The following PI4KA variants were observed in gnomAD, a reference collection of about 807,000 sequenced individuals.
PI4KA encodes the protein PI4-kinase alpha.
PI4KA carries 122 observed loss-of-function variants against 271.4 expected under a neutral mutation model. The observed-to-expected ratio is 0.45, with a 90% CI of 0.39 to 0.52. The LOEUF is 0.52. PI4KA is among the 20% of genes least tolerant of loss of function. The probability of loss-of-function intolerance (pLI) is 0.00; values close to 1 mark genes in which losing one functional copy is unlikely to be tolerated. For missense variants in PI4KA, 1,969 were observed against 2,769.1 expected (o/e 0.71, Z 6.48); for synonymous variants, 1,041 against 1,078.8 (o/e 0.96, Z 0.69).
chr22:20,831,816 G>A (rs184281508), intron 3 of PI4KA, among the ~76,000 whole-genome samples: 3 of 152,160 alleles, frequency 2.0e-5, no homozygotes, highest in East Asian at 3.9e-4. Context: ...GTCTTCTTGT[G>A]TAGTATTTCA....
chr22:20,803,456 C>G, intron 12 of PI4KA, 136 bp from the exon 13 acceptor site: 1 of 858,232 alleles, frequency 1.2e-6, no homozygotes, highest in Non-Finnish European at 1.8e-6. Context: ...CACAGGCCAC[C>G]TGCCCAGGAC....
rs368743631 is a variant in PI4KA at position 20,767,517 on chromosome 22, G to T, written c.2329-1824C>A. ...ACTCTGTTACCCAGGCTGGAGTGCAGTGGCACAATCATCACTGCAGCACTG... is the reference window on the plus strand; with the variant it reads ...ACTCTGTTACCCAGGCTGGAGTGCATTGGCACAATCATCACTGCAGCACTG... On this transcript the variant is annotated intron_variant, in intron 19 of 54. Coordinates refer to ENST00000255882, the MANE Select transcript of PI4KA (RefSeq NM_058004.4). Among the ~76,000 whole-genome samples, 16 of 152,212 alleles carry T rather than the reference G, an allele frequency of 1.1e-4. No individual in the cohort carries two copies. In the South Asian group the frequency reaches 2.9e-3, roughly 28 times the overall value.
At position 20,801,963 on chromosome 22, in the gene PI4KA, A is replaced by G. The variant is rs777767614; in HGVS notation, c.1724+10T>C. 6.2e-7 allele frequency: 1 copy of G among 1,613,694 alleles called. No individual in the cohort carries two copies. The highest frequency in any genetic ancestry group is 1.7e-5 in the Admixed American group (1 of 59,928). On this transcript the variant is annotated intron_variant, in intron 14 of 54. Coordinates refer to ENST00000255882, the MANE Select transcript of PI4KA (RefSeq NM_058004.4). ...ACTGCTGTCTACTCGCCACTTGCCC[A>G]GCTTCCCACCTGCAGATGTTGTCAA...
intron 1 of PI4KA, among the ~76,000 whole-genome samples, chr22:20,846,453 C>G (rs1002027573): frequency 6.6e-6 from 1 of 151,548 alleles, no homozygotes; most frequent in Non-Finnish European, 1.5e-5. Context: ...TGCACGTTCT[C>G]AATTATAAGT....
At chr22:20,820,406 C>A in intron 5 of PI4KA, 133 bp downstream of exon 5, 1 of 647,796 alleles carries the variant, frequency 1.5e-6, no homozygotes, top group South Asian at 2.0e-5. Context: ...TAACACACAA[C>A]AAATCAAACT....
chr22:20,768,100 C>G (rs777428355), intron 19 of PI4KA, among the ~76,000 whole-genome samples: 9 of 152,114 alleles, frequency 5.9e-5, no homozygotes, highest in Non-Finnish European at 1.2e-4. Flanking sequence ...GGCAGCTAGG[C>G]AAAGGTGTTC....
chr22:20,845,271 G>A (rs1358703671), intron 1 of PI4KA, among the ~76,000 whole-genome samples: 1 of 152,220 alleles, frequency 6.6e-6, no homozygotes. Context: ...GAGAAAGTAA[G>A]TCTGGATGAC....
intron 1 of PI4KA, among the ~76,000 whole-genome samples, chr22:20,852,340 C>T (rs929698069): frequency 1.4e-4 from 22 of 152,110 alleles, no homozygotes; most frequent in African/African-American, 4.8e-4. Context: ...AGACAAACAG[C>T]TGGTGACACA....
Position 20,727,217 on chromosome 22 carries a change from G to T in PI4KA, c.4941+13C>A, listed in dbSNP as rs776705657. On this transcript the variant is annotated intron_variant, in intron 41 of 54. Coordinates refer to ENST00000255882, the MANE Select transcript of PI4KA (RefSeq NM_058004.4). ...TCCTACCAGAGGCCAGCTCAGCAGG[G>T]CCCTGGGCTCACCGGAGGGAAGGAC... is the stretch of plus-strand genomic sequence containing the variant. 1.9e-6 allele frequency: 3 copies of T among 1,609,980 alleles called. No homozygotes were observed. The East Asian group carries it at 6.7e-5, about 36-fold the overall frequency.
chr22:20,822,249 G>C (rs1922806855), intron 4 of PI4KA, among the ~76,000 whole-genome samples: 1 of 151,938 alleles, frequency 6.6e-6, no homozygotes, highest in African/African-American at 2.4e-5. Flanking sequence ...GTTTTGCTAT[G>C]CTGCCCAAGC....
chr22:20,765,295 G>A, intron 20 of PI4KA, 59 bp from the exon 21 acceptor site: 1 of 1,505,282 alleles, frequency 6.6e-7, no homozygotes, highest in South Asian at 1.3e-5. Flanking sequence ...CTGCAGTGAG[G>A]TTGACTGACA....
chr22:20,824,848 G>C (rs1923192419), intron 3 of PI4KA, among the ~76,000 whole-genome samples: 1 of 151,446 alleles, frequency 6.6e-6, no homozygotes, highest in African/African-American at 2.4e-5. Flanking sequence ...AAGGCAGACG[G>C]ATCACCTGAG....
chr22:20,813,300 C>A, intron 8 of PI4KA, 58 bp downstream of exon 8: 1 of 1,321,302 alleles, frequency 7.6e-7, no homozygotes, highest in Non-Finnish European at 1.1e-6. Context: ...ACAAGTTTCA[C>A]CACTAGCAAT....
chr22:20,707,747 T>C lies in PI4KA; in HGVS notation c.*300A>G. ...TTGTTGATGTTGGTTAAATCTTATCTCTTTTTTTATACACAATACTTCATG... is the reference window on the plus strand; with the variant it reads ...TTGTTGATGTTGGTTAAATCTTATCCCTTTTTTTATACACAATACTTCATG... On this transcript the variant is annotated 3_prime_UTR_variant, in exon 55 of 55. Coordinates refer to ENST00000255882, the MANE Select transcript of PI4KA (RefSeq NM_058004.4). 1 of 456,562 alleles carries C rather than the reference T, an allele frequency of 2.2e-6. No homozygotes were observed. Among genetic ancestry groups the C allele is most frequent in the Non-Finnish European group, 4.0e-6 (1 of 248,748 alleles). 28.3% of individuals were successfully genotyped at this position (456,562 alleles called of 1,614,324 possible). A position where few individuals can be genotyped will look rare whatever the true frequency, so the allele number is the denominator to read the frequency against.
At chr22:20,732,367 C>T (rs1465141968) in intron 36 of PI4KA, among the ~76,000 whole-genome samples, 2 of 152,148 alleles carry the variant, frequency 1.3e-5, no homozygotes, top group Admixed American at 1.3e-4. Flanking sequence ...GAGAACAGGG[C>T]ATGGCCTCCT....
In PI4KA at chr22:20,746,342, A is replaced by G. The variant is rs189246881; in HGVS notation, c.3363+1241T>C. Among the ~76,000 whole-genome samples the G allele has an allele frequency of 3.9e-3, 595 of 152,202 alleles. 5 individuals carry two copies. Among genetic ancestry groups the G allele is most frequent in the Middle Eastern group, 0.01 (3 of 294 alleles). ...CTCCCAAAGTGCTGGGATTACAGGC[A>G]TGAGCCACCGTGCCTGGCCCCAGAA... On this transcript the variant is annotated intron_variant, in intron 29 of 54. Transcript: ENST00000255882.
In PI4KA at chr22:20,780,775, C is replaced by CAAAAAAAAAAAAAAAAAAAAAAAAAA. The variant is rs538327544; in HGVS notation, c.2328+12417_2328+12418insTTTTTTTTTTTTTTTTTTTTTTTTTT. On this transcript the variant is annotated intron_variant, in intron 19 of 54. Transcript: ENST00000255882. ...TGGACGACAGAGTGAGACTCCATCTCAAAAAAAAAAAAAAAAGAAGTAAAA... is the reference window on the plus strand; with the variant it reads ...TGGACGACAGAGTGAGACTCCATCTCAAAAAAAAAAAAAAAAAAAAAAAAAAAAAAAAAAAAAAAAAAGAAGTAAAA... Among the ~76,000 whole-genome samples, 45 of 67,640 alleles carry CAAAAAAAAAAAAAAAAAAAAAAAAAA rather than the reference C, an allele frequency of 6.7e-4. 1 individual carries two copies. Among genetic ancestry groups the CAAAAAAAAAAAAAAAAAAAAAAAAAA allele is most frequent in the South Asian group, 1.1e-3 (2 of 1,880 alleles). The allele number at this position is 67,640 out of a possible 152,430, so 44.4% of individuals were successfully genotyped here.
chr22:20,764,930 G>T lies in PI4KA; in HGVS notation c.2595C>A (p.Arg865=). The part of the protein sequence containing the change: ...TVTPAELSEL[R]STIINLLDPP... ...GGTCCAGCAGGTTGATGATAGTGCT[G>T]CGGAGCTCACTCAGCTCAGCCTGGA... is the stretch of plus-strand genomic sequence containing the variant. Residue 865 remains arginine (R), a synonymous_variant, in exon 22 of 55, where the codon CGC becomes CGA. Coordinates refer to ENST00000255882, the MANE Select transcript of PI4KA (RefSeq NM_058004.4). 1.2e-6 allele frequency: 2 copies of T among 1,610,478 alleles called. No homozygotes were observed. The highest frequency in any genetic ancestry group is 2.2e-5 in the South Asian group (2 of 90,790).
intron 31 of PI4KA, 24 bp from the exon 32 acceptor site, chr22:20,742,379 A>G (rs368247610): frequency 2.2e-5 from 35 of 1,610,026 alleles, no homozygotes; most frequent in Non-Finnish European, 3.0e-5. Context: ...CACGTCAGTC[A>G]GAGGCCTCCA....
Sources: allele counts gnomAD v4.1 joint callset (sites outside exome capture counted in the v4.1 genomes callset), GRCh38; gene constraint gnomAD v4.1.1; transcripts MANE v1.5; gene names NCBI Gene and HGNC (gene_info 2026-07-23, HGNC 2026-07-21).